Variants in FANK1 observed in about 807,000 individuals in gnomAD.
FANK1 encodes fibronectin type 3 and ankyrin repeat domains protein 1.
Under a neutral mutation model 45.3 loss-of-function variants are expected in FANK1, and 44 were observed. That is an observed-to-expected ratio of 0.97 (90% CI 0.76 to 1.25). FANK1 has a LOEUF of 1.25. FANK1 is among the 50% of genes most tolerant of loss of function. FANK1 has a pLI of 0.00. For synonymous variants in FANK1, 149 were observed against 152.5 expected (o/e 0.98, Z 0.17); for missense variants, 391 against 424.4 (o/e 0.92, Z 0.69).
At chr10:125,997,391 C>T (rs759260456) in intron 5 of FANK1, 29 bp from the exon 6 acceptor site, 1 of 1,602,896 alleles carries the variant, frequency 6.2e-7, no homozygotes, top group Non-Finnish European at 8.5e-7. Context: ...GGTGACTTAT[C>T]TAGCTACACT....
At chr10:125,981,574 A>T (rs980616967) in intron 2 of FANK1, among the ~76,000 whole-genome samples, 14 of 151,968 alleles carry the variant, frequency 9.2e-5, no homozygotes, top group Non-Finnish European at 4.4e-5. Context: ...CCCTTGATAG[A>T]TTTACCACTT....
chr10:125,959,977 T>C (rs1176313537), intron 1 of FANK1, among the ~76,000 whole-genome samples: 1 of 152,148 alleles, frequency 6.6e-6, no homozygotes, highest in East Asian at 1.9e-4. Flanking sequence ...AAAAAACCCA[T>C]ACTGTTATTA....
chr10:125,917,528 CAT>C (rs1946542219), intron 1 of FANK1, among the ~76,000 whole-genome samples: 1 of 152,076 alleles, frequency 6.6e-6, no homozygotes, highest in Non-Finnish European at 1.5e-5. Flanking sequence ...TATATAAAGA[CAT>C]AGGTTTAACT....
intron 1 of FANK1, among the ~76,000 whole-genome samples, chr10:125,979,161 C>A (rs535131957): frequency 6.6e-6 from 1 of 151,924 alleles, no homozygotes; most frequent in Non-Finnish European, 1.5e-5. Flanking sequence ...CCGTGCTGAC[C>A]CCCGGGGGGC....
chr10:125,985,559 G>A (rs1951501276), intron 2 of FANK1, among the ~76,000 whole-genome samples: 1 of 152,056 alleles, frequency 6.6e-6, no homozygotes. Context: ...TTTCTTGATC[G>A]AAAAGTTTCT....
chr10:125,919,195 ATTTTTTTTTTTTTTTTTTTT>A (rs142716284), intron 1 of FANK1, among the ~76,000 whole-genome samples: 1 of 51,862 alleles, frequency 1.9e-5, no homozygotes, highest in African/African-American at 7.8e-5. Context: ...GGAGGTAAGA[ATTTTTTTTTTTTTTTTTTTT>A]TTTTTTTTGT....
At chr10:125,970,988 A>G (rs75307449) in intron 1 of FANK1, among the ~76,000 whole-genome samples, 20 of 152,284 alleles carry the variant, frequency 1.3e-4, no homozygotes, top group Non-Finnish European at 2.1e-4. Context: ...ATAGTCACAG[A>G]TATACTTACC....
chr10:125,909,339 A>G (rs534464551), intron 1 of FANK1, among the ~76,000 whole-genome samples: 5 of 152,280 alleles, frequency 3.3e-5, no homozygotes, highest in Admixed American at 6.5e-5. Context: ...GAGATTAGCA[A>G]CTGGAATACT....
intron 1 of FANK1, among the ~76,000 whole-genome samples, chr10:125,950,320 T>G (rs955293940): frequency 0.012 from 1,765 of 147,440 alleles, 21 homozygotes; most frequent in African/African-American, 0.041. Context: ...ACCATCAGAG[T>G]GAACAGGCAA....
chr10:125,909,510 CTTCT>C (rs1945814660), intron 1 of FANK1, among the ~76,000 whole-genome samples: 2 of 146,188 alleles, frequency 1.4e-5, no homozygotes, highest in Admixed American at 6.8e-5. Context: ...GTGGGGTTTT[CTTCT>C]TTTTCTTTTT....
intron 1 of FANK1, among the ~76,000 whole-genome samples, chr10:125,903,172 G>A (rs1416792023): frequency 6.6e-6 from 1 of 152,298 alleles, no homozygotes; most frequent in African/African-American, 2.4e-5. Flanking sequence ...CTTCTTGATG[G>A]GAGAAGGAAG....
At chr10:126,001,188 G>A (rs576730211) in intron 6 of FANK1, among the ~76,000 whole-genome samples, 1 of 152,202 alleles carries the variant, frequency 6.6e-6, no homozygotes, top group African/African-American at 2.4e-5. Flanking sequence ...TAAGATTGTG[G>A]AAAATGTGAA....
chr10:125,977,404 C>T (rs192832825), intron 1 of FANK1, among the ~76,000 whole-genome samples: 7 of 152,166 alleles, frequency 4.6e-5, no homozygotes, highest in East Asian at 3.9e-4. Flanking sequence ...CAGTAGGTGG[C>T]GCTTAGGTGA....
At chr10:125,980,095 C>A in intron 1 of FANK1, 66 bp from the exon 2 acceptor site, 1 of 1,520,666 alleles carries the variant, frequency 6.6e-7, no homozygotes, top group Admixed American at 1.9e-5. Context: ...AGCTGTAATC[C>A]ACTCGACTGG....
intron 1 of FANK1, among the ~76,000 whole-genome samples, chr10:125,908,914 T>C (rs1212520059): frequency 1.3e-5 from 2 of 152,300 alleles, no homozygotes; most frequent in African/African-American, 2.4e-5. Flanking sequence ...CAAACTAATA[T>C]AGAGCTTCTG....
chr10:125,905,820 A>C (rs56952828), intron 1 of FANK1, among the ~76,000 whole-genome samples: 1 of 152,268 alleles, frequency 6.6e-6, no homozygotes, highest in Non-Finnish European at 1.5e-5. Context: ...CTACTCAGGA[A>C]GGTGAGGTGG....
chr10:125,901,764 G>A (rs1945054991), intron 1 of FANK1, among the ~76,000 whole-genome samples: 1 of 152,164 alleles, frequency 6.6e-6, no homozygotes, highest in Non-Finnish European at 1.5e-5. Context: ...CCTCTCTGAT[G>A]TTATTCTATC....
chr10:126,000,183 GTTC>G lies in FANK1; in HGVS notation c.539+2703_539+2705del, dbSNP rs147333976. ...AAGATTGACTATTATACAATTTTTA[GTTC>G]TTCTCAAATACTGCATTGAGGTTCA... On this transcript the variant is annotated intron_variant, in intron 6 of 10. Transcript: ENST00000368693. 9.1e-3 allele frequency among the ~76,000 whole-genome samples: 1,382 copies of G among 152,278 alleles called. 17 individuals carry two copies. Among genetic ancestry groups the G allele is most frequent in the Middle Eastern group, 0.034 (10 of 294 alleles).
intron 1 of FANK1, among the ~76,000 whole-genome samples, chr10:125,901,770 C>A (rs75245187): frequency 1.3e-5 from 2 of 152,180 alleles, no homozygotes; most frequent in African/African-American, 4.8e-5. Flanking sequence ...TGATGTTATT[C>A]TATCTCTGCG....
Sources: allele counts gnomAD v4.1 joint callset (sites outside exome capture counted in the v4.1 genomes callset), GRCh38; gene constraint gnomAD v4.1.1; transcripts MANE v1.5; gene names NCBI Gene and HGNC (gene_info 2026-07-23, HGNC 2026-07-21).